The following P3H2 variants were observed in gnomAD, a reference collection of about 807,000 sequenced individuals.
P3H2 encodes leprecan-like 1.
A neutral mutation model predicts 87.0 loss-of-function variants in P3H2; 80 were observed. The ratio of observed to expected loss-of-function variants is 0.92; its 90% CI spans 0.77 to 1.11. P3H2 has a LOEUF of 1.11. Among genes scored for constraint, P3H2 ranks in the 50% least tolerant of loss-of-function variants. The pLI is 0.00. For synonymous variants in P3H2, 367 were observed against 359.3 expected, an observed-to-expected ratio of 1.02 and a Z score of -0.24; for missense variants, 1,001 against 923.9, an observed-to-expected ratio of 1.08 and a Z score of -1.08.
chr3:189,987,108 C>CTAAAT (rs1560349687), intron 5 of P3H2, among the ~76,000 whole-genome samples: 1 of 152,178 alleles, frequency 6.6e-6, no homozygotes. Flanking sequence ...ACAACCTTTG[C>CTAAAT]TAAATTGTTA....
intron 1 of P3H2, among the ~76,000 whole-genome samples, chr3:190,069,040 G>A (rs1220379104): frequency 6.6e-6 from 1 of 152,106 alleles, no homozygotes; most frequent in Non-Finnish European, 1.5e-5. Context: ...TATTTTCACA[G>A]GCGGCACCTT....
intron 1 of P3H2, among the ~76,000 whole-genome samples, chr3:190,041,567 T>G (rs1399219965): frequency 6.6e-6 from 1 of 152,156 alleles, no homozygotes; most frequent in East Asian, 1.9e-4. Context: ...CTGCAAATGC[T>G]TAAGGAGAAT....
chr3:189,966,129 AAGAAAG>A lies in P3H2; in HGVS notation c.1894-2037_1894-2032del, dbSNP rs1275709565. ...AAAAAGAAAGAAAGAAAGAAAAAGA[AAGAAAG>A]AAAGAAAGAAAGAAAGAAAGAAAGA... On this transcript the variant is annotated intron_variant, in intron 13 of 14. Coordinates refer to ENST00000319332, the MANE Select transcript of P3H2 (RefSeq NM_018192.4). Among the ~76,000 whole-genome samples the A allele has an allele frequency of 6.3e-3, 356 of 56,280 alleles. 5 individuals carry two copies. The highest frequency in any genetic ancestry group is 0.018 in the African/African-American group (333 of 18,986). 36.9% of individuals were successfully genotyped at this position (56,280 alleles called of 152,430 possible).
chr3:190,020,290 T>C (rs1724895770), intron 1 of P3H2, among the ~76,000 whole-genome samples: 1 of 134,890 alleles, frequency 7.4e-6, no homozygotes, highest in Non-Finnish European at 1.7e-5. Flanking sequence ...GTGATCTTGC[T>C]AATGTAAACG....
intron 1 of P3H2, among the ~76,000 whole-genome samples, chr3:190,027,484 C>A (rs920691223): frequency 6.6e-6 from 1 of 152,014 alleles, no homozygotes; most frequent in African/African-American, 2.4e-5. Flanking sequence ...GGAATTATGA[C>A]CTTATAATGA....
chr3:190,005,252 C>A (rs115865146), intron 1 of P3H2, among the ~76,000 whole-genome samples: 3,359 of 152,280 alleles, frequency 0.022, 137 homozygotes, highest in African/African-American at 0.077. Context: ...CCTCAGACAT[C>A]AAATGCTTGT....
Position 189,980,894 on chromosome 3 carries a change from T to C in P3H2, c.1324+2152A>G, listed in dbSNP as rs568106597. ...CTGGTCACCAGAAAGACCAAGTGAT[T>C]AGGAAAGTGAAACTTTTAGCCCCAC... is the stretch of plus-strand genomic sequence containing the variant. On this transcript the variant is annotated intron_variant, in intron 8 of 14. Transcript: ENST00000319332. 3.7e-4 allele frequency among the ~76,000 whole-genome samples: 56 copies of C among 152,284 alleles called. 1 individual carries two copies. Among genetic ancestry groups the C allele is most frequent in the Non-Finnish European group, 2.1e-4 (14 of 68,010 alleles).
chr3:190,052,846 A>T (rs1344925284), intron 1 of P3H2, among the ~76,000 whole-genome samples: 1 of 152,202 alleles, frequency 6.6e-6, no homozygotes, highest in African/African-American at 2.4e-5. Context: ...CACAGCGATC[A>T]AGACAATGAA....
At chr3:189,958,780 T>G (rs1231768501) in intron 14 of P3H2, among the ~76,000 whole-genome samples, 1 of 147,376 alleles carries the variant, frequency 6.8e-6, no homozygotes, top group African/African-American at 2.5e-5. Context: ...CTCGGCTCAC[T>G]GCAACCTCTG....
intron 8 of P3H2, among the ~76,000 whole-genome samples, chr3:189,979,683 T>C (rs547604719): frequency 1.3e-5 from 2 of 152,064 alleles, no homozygotes; most frequent in Admixed American, 1.3e-4. Context: ...GTGGGTGGGC[T>C]GAGCACAGTG....
In P3H2 at chr3:190,107,393, G is replaced by A. The variant is rs551257879; in HGVS notation, c.480+12859C>T. 4.6e-5 allele frequency among the ~76,000 whole-genome samples: 7 copies of A among 152,266 alleles called. No homozygotes were observed. In the South Asian group the frequency reaches 1.4e-3, roughly 32 times the overall value. The stretch of plus-strand genomic sequence containing the variant: ...TGTTGCGCTTTCATAGCATTTTTGT[G>A]TGAATAATTTAGTCTACGAATAAGG... On this transcript the variant is annotated intron_variant, in intron 1 of 14. Coordinates refer to ENST00000319332, the MANE Select transcript of P3H2 (RefSeq NM_018192.4).
At chr3:190,011,799 T>G (rs1393511394) in intron 1 of P3H2, among the ~76,000 whole-genome samples, 1 of 152,176 alleles carries the variant, frequency 6.6e-6, no homozygotes, top group African/African-American at 2.4e-5. Context: ...AATGCAAACA[T>G]GCTCATGATA....
chr3:190,100,258 C>CA (rs1711571816), intron 1 of P3H2, among the ~76,000 whole-genome samples: 11 of 140,204 alleles, frequency 7.8e-5, no homozygotes, highest in African/African-American at 1.6e-4. Context: ...CCGCCCCCCC[C>CA]CCCAAAAAAA....
chr3:190,045,892 T>C (rs1271292756), intron 1 of P3H2, among the ~76,000 whole-genome samples: 63 of 151,930 alleles, frequency 4.1e-4, no homozygotes, highest in African/African-American at 1.4e-3. Flanking sequence ...GAGGCCAAGG[T>C]GGGCAGATCA....
At chr3:190,030,956 A>T (rs1349034) in intron 1 of P3H2, among the ~76,000 whole-genome samples, 89,321 of 151,980 alleles carry the variant, frequency 0.59, 27,887 homozygotes, top group Admixed American at 0.71. Flanking sequence ...ACTACAGATG[A>T]ATTAAGAGTA....
chr3:190,108,557 CTTT>C (rs35155718), intron 1 of P3H2, among the ~76,000 whole-genome samples: 1 of 152,152 alleles, frequency 6.6e-6, no homozygotes, highest in Admixed American at 6.5e-5. Flanking sequence ...TTTAATTTCA[CTTT>C]TTTGATACAA....
At chr3:190,006,181 C>T (rs7645751) in intron 1 of P3H2, among the ~76,000 whole-genome samples, 3,366 of 152,246 alleles carry the variant, frequency 0.022, 137 homozygotes, top group African/African-American at 0.077. Context: ...TAGCATCAGT[C>T]CTGTTATTTT....
chr3:189,993,960 TA>T (rs1723958895), intron 3 of P3H2, 133 bp downstream of exon 3: 1 of 685,428 alleles, frequency 1.5e-6, no homozygotes, highest in Non-Finnish European at 2.3e-6. Flanking sequence ...CTACAGGAGA[TA>T]GGCTGGGATA....
At chr3:190,085,388 G>A (rs1727178748) in intron 1 of P3H2, among the ~76,000 whole-genome samples, 1 of 152,152 alleles carries the variant, frequency 6.6e-6, no homozygotes, top group South Asian at 2.1e-4. Flanking sequence ...AAAAGTCTCT[G>A]GATACATGTG....
Sources: gnomAD v4.1 joint callset for allele counts (sites outside exome capture counted in the v4.1 genomes callset) on GRCh38, gnomAD v4.1.1 for gene constraint, MANE v1.5 for transcripts, NCBI Gene and HGNC (gene_info 2026-07-23, HGNC 2026-07-21) for gene names.